Variants in LRRC7 observed in about 807,000 individuals in gnomAD.
The protein encoded by LRRC7 is leucine-rich repeat-containing protein 7.
Under a neutral mutation model 175.7 loss-of-function variants are expected in LRRC7, and 23 were observed. The observed-to-expected ratio is 0.13, with a 90% CI of 0.09 to 0.19. The LOEUF (loss-of-function observed/expected upper bound fraction) is 0.19. LRRC7 is among the 10% of genes least tolerant of loss of function. The pLI is 1.00. For synonymous variants in LRRC7, 685 were observed against 680.9 expected (o/e 1.01, Z -0.09); for missense variants, 1,354 against 1,904.7 (o/e 0.71, Z 5.38).
At chr1:69,632,751 T>C (rs915790318) in intron 1 of LRRC7, among the ~76,000 whole-genome samples, 2 of 152,144 alleles carry the variant, frequency 1.3e-5, no homozygotes, top group African/African-American at 2.4e-5. Context: ...TTGTTCATTA[T>C]TGGAGTCTCA....
chr1:69,763,948 A>G (rs531841447), intron 3 of LRRC7, among the ~76,000 whole-genome samples: 6 of 152,086 alleles, frequency 3.9e-5, no homozygotes, highest in Admixed American at 3.3e-4. Context: ...AGAGAATATT[A>G]TAATTGGTCA....
At chr1:69,869,796 A>C (rs1219080074) in intron 7 of LRRC7, among the ~76,000 whole-genome samples, 1 of 152,188 alleles carries the variant, frequency 6.6e-6, no homozygotes, top group African/African-American at 2.4e-5. Context: ...AAAGATTGAT[A>C]AATGTTAGCT....
At chr1:69,934,100 A>T (rs1259241819) in intron 8 of LRRC7, among the ~76,000 whole-genome samples, 1 of 152,162 alleles carries the variant, frequency 6.6e-6, no homozygotes, top group Non-Finnish European at 1.5e-5. Flanking sequence ...ACAACTTTGA[A>T]TGAGAAAATA....
chr1:69,941,198 A>C (rs1402002674), intron 8 of LRRC7, among the ~76,000 whole-genome samples: 1 of 152,060 alleles, frequency 6.6e-6, no homozygotes, highest in Admixed American at 6.6e-5. Context: ...GAGATAAGTT[A>C]ATTTGTGGAG....
chr1:69,834,908 C>T, intron 6 of LRRC7, 39 bp downstream of exon 6: 1 of 1,520,718 alleles, frequency 6.6e-7, no homozygotes, highest in Admixed American at 1.7e-5. Context: ...TTATATCTCA[C>T]CTTAGGTAAG....
chr1:69,619,864 C>T (rs2100307783), intron 1 of LRRC7, among the ~76,000 whole-genome samples: 1 of 152,098 alleles, frequency 6.6e-6, no homozygotes, highest in Middle Eastern at 3.4e-3. Flanking sequence ...TCCAAATGAC[C>T]AATGAATGAA....
intron 25 of LRRC7, among the ~76,000 whole-genome samples, chr1:70,098,686 C>T (rs1372715061): frequency 6.6e-6 from 1 of 151,880 alleles, no homozygotes; most frequent in Admixed American, 6.6e-5. Context: ...GAGAATACTA[C>T]AAACACCTCT....
chr1:69,714,162 A>T (rs940309652), intron 2 of LRRC7, among the ~76,000 whole-genome samples: 4 of 151,674 alleles, frequency 2.6e-5, no homozygotes, highest in Admixed American at 6.6e-5. Context: ...GACACACTCA[A>T]CTCCCCTGAG....
At chr1:69,846,237 T>G (rs1194478019) in intron 7 of LRRC7, among the ~76,000 whole-genome samples, 4 of 152,144 alleles carry the variant, frequency 2.6e-5, no homozygotes, top group Admixed American at 2.0e-4. Context: ...CACTGAGTTC[T>G]GCCTTGTGAA....
intron 2 of LRRC7, chr1:69,716,102 C>G: frequency 2.4e-6 from 1 of 409,122 alleles, no homozygotes; most frequent in South Asian, 1.1e-4. Flanking sequence ...TTTATAATTG[C>G]AGTTAATTGA....
At chr1:70,101,053 T>C (rs1664768168) in intron 25 of LRRC7, among the ~76,000 whole-genome samples, 1 of 152,146 alleles carries the variant, frequency 6.6e-6, no homozygotes, top group African/African-American at 2.4e-5. Context: ...TTTATGTATA[T>C]CTAATGTTGC....
chr1:69,848,245 T>A (rs542942127), intron 7 of LRRC7, among the ~76,000 whole-genome samples: 2 of 152,086 alleles, frequency 1.3e-5, no homozygotes, highest in Non-Finnish European at 2.9e-5. Context: ...TTTTTTGTTA[T>A]CTTGAATATA....
intron 7 of LRRC7, among the ~76,000 whole-genome samples, chr1:69,901,165 A>G (rs1421775287): frequency 1.3e-5 from 2 of 152,180 alleles, no homozygotes; most frequent in East Asian, 3.9e-4. Context: ...CAGGCAGACT[A>G]GTGAAGAGGC....
intron 22 of LRRC7, among the ~76,000 whole-genome samples, chr1:70,052,238 G>A (rs751194522): frequency 6.6e-6 from 1 of 152,044 alleles, no homozygotes. Context: ...GATGGTATGT[G>A]ATTGCTTGCT....
intron 2 of LRRC7, among the ~76,000 whole-genome samples, chr1:69,717,815 A>G (rs1160508587): frequency 4.1e-5 from 2 of 49,100 alleles, no homozygotes; most frequent in African/African-American, 2.5e-4. Flanking sequence ...AGAAAGAAAG[A>G]AAGAAAGAAA....
intron 3 of LRRC7, among the ~76,000 whole-genome samples, chr1:69,774,230 G>A (rs12405409): frequency 0.14 from 21,460 of 152,110 alleles, 1,620 homozygotes; most frequent in Middle Eastern, 0.19. Flanking sequence ...CGGCTATACA[G>A]GGCACAGGAG....
intron 2 of LRRC7, among the ~76,000 whole-genome samples, chr1:69,686,028 A>T (rs1036341047): frequency 2.0e-5 from 3 of 152,170 alleles, no homozygotes; most frequent in Non-Finnish European, 4.4e-5. Flanking sequence ...AACACATTAC[A>T]TATAAAGAAG....
At chr1:69,797,197 A>G (rs1675891479) in intron 4 of LRRC7, among the ~76,000 whole-genome samples, 1 of 152,188 alleles carries the variant, frequency 6.6e-6, no homozygotes, top group Admixed American at 6.6e-5. Context: ...GTTTTAACCG[A>G]GTGCTGGAAA....
chr1:69,673,237 C>T (rs944635318), intron 1 of LRRC7, among the ~76,000 whole-genome samples: 8 of 152,170 alleles, frequency 5.3e-5, no homozygotes, highest in African/African-American at 1.7e-4. Context: ...GAAAATCACT[C>T]CTTGGGTGAT....
Sources: allele counts gnomAD v4.1 joint callset (sites outside exome capture counted in the v4.1 genomes callset), GRCh38; gene constraint gnomAD v4.1.1; transcripts MANE v1.5; gene names NCBI Gene and HGNC (gene_info 2026-07-23, HGNC 2026-07-21).